Variants in ENPP3 observed in about 807,000 individuals in gnomAD.
The protein encoded by ENPP3 is ectonucleotide pyrophosphatase/phosphodiesterase family member 3.
A neutral mutation model predicts 117.8 loss-of-function variants in ENPP3; 104 were observed. The ratio of observed to expected loss-of-function variants is 0.88; its 90% CI spans 0.75 to 1.04. The LOEUF (loss-of-function observed/expected upper bound fraction) is 1.04, where lower values mean the gene tolerates loss of function less well. ENPP3 is among the 50% of genes least tolerant of loss of function. The pLI, the probability that ENPP3 is intolerant of heterozygous loss-of-function variation, is 0.00. For synonymous variants in ENPP3, 380 were observed against 349.9 expected, an observed-to-expected ratio of 1.09 and a Z score of -0.96; for missense variants, 1,026 against 1,051.9, an observed-to-expected ratio of 0.98 and a Z score of 0.34.
At chr6:131,720,420 G>C in intron 17 of ENPP3, 41 bp downstream of exon 17, 1 of 1,025,424 alleles carries the variant, frequency 9.8e-7, no homozygotes, top group Non-Finnish European at 1.5e-6. Flanking sequence ...AATATGGATA[G>C]TTTTAAATAT....
intron 4 of ENPP3, 42 bp downstream of exon 4, chr6:131,652,709 G>A (rs1778289579): frequency 6.2e-7 from 1 of 1,612,852 alleles, no homozygotes. Context: ...TGCGAGTTTA[G>A]AGGAACTCCA....
At chr6:131,722,537 G>T in intron 18 of ENPP3, 132 bp downstream of exon 18, 1 of 691,046 alleles carries the variant, frequency 1.4e-6, no homozygotes, top group Non-Finnish European at 2.5e-6. Context: ...AATATATGTG[G>T]TTTCTCTGAA....
chr6:131,638,558 A>G (rs962386049), intron 1 of ENPP3: 1 of 401,356 alleles, frequency 2.5e-6, no homozygotes, highest in African/African-American at 2.1e-5. Flanking sequence ...CACATGCCAC[A>G]AGGCTCAGCT....
chr6:131,664,974 T>G (rs1173823271), intron 6 of ENPP3, among the ~76,000 whole-genome samples: 1 of 152,172 alleles, frequency 6.6e-6, no homozygotes, highest in Admixed American at 6.5e-5. Context: ...GTGTTGAATT[T>G]TATCAAATGC....
intron 9 of ENPP3, chr6:131,675,395 T>C: frequency 1.9e-6 from 1 of 527,394 alleles, no homozygotes; most frequent in Non-Finnish European, 3.4e-6. Flanking sequence ...GCCTGAGAAC[T>C]TTTTATTACC....
At chr6:131,726,308 C>A in intron 20 of ENPP3, 108 bp downstream of exon 20, 1 of 955,660 alleles carries the variant, frequency 1.0e-6, no homozygotes, top group South Asian at 1.7e-5. Flanking sequence ...GGAGGGAACT[C>A]ACTGGCCTGT....
At chr6:131,649,983 G>A in intron 2 of ENPP3, 44 bp from the exon 3 acceptor site, 1 of 1,611,214 alleles carries the variant, frequency 6.2e-7, no homozygotes, top group Non-Finnish European at 8.5e-7. Context: ...ATGAGATATT[G>A]AATAGCTCCT....
chr6:131,663,792 C>G (rs1275551793), intron 6 of ENPP3, among the ~76,000 whole-genome samples: 1 of 151,860 alleles, frequency 6.6e-6, no homozygotes, highest in African/African-American at 2.4e-5. Flanking sequence ...CTGGTGAAGA[C>G]AAACCTACTG....
chr6:131,671,658 T>C (rs1355045981), intron 7 of ENPP3, among the ~76,000 whole-genome samples: 1 of 152,236 alleles, frequency 6.6e-6, no homozygotes, highest in Non-Finnish European at 1.5e-5. Context: ...CAGTAGGCTA[T>C]ATATAGGGAC....
At chr6:131,653,000 A>C in intron 5 of ENPP3, 109 bp downstream of exon 5, 1 of 691,260 alleles carries the variant, frequency 1.4e-6, no homozygotes, top group Non-Finnish European at 2.5e-6. Context: ...TGTACATTTC[A>C]AAACAGAATA....
At chr6:131,669,616 A>AC (rs1404617089) in intron 6 of ENPP3, among the ~76,000 whole-genome samples, 1 of 140,102 alleles carries the variant, frequency 7.1e-6, no homozygotes, top group Non-Finnish European at 1.5e-5. Context: ...AGATCACGCC[A>AC]CTGCACTCTA....
intron 15 of ENPP3, chr6:131,709,485 A>G: frequency 1.2e-6 from 2 of 1,612,450 alleles, no homozygotes; most frequent in Non-Finnish European, 1.7e-6. Context: ...CAAATGCTGT[A>G]TTTGAAACAT....
At chr6:131,691,411 A>G (rs1779275682) in intron 14 of ENPP3, among the ~76,000 whole-genome samples, 1 of 151,998 alleles carries the variant, frequency 6.6e-6, no homozygotes, top group African/African-American at 2.4e-5. Context: ...CAACATGGTG[A>G]AATATCTTCT....
chr6:131,677,950 T>G lies in ENPP3; in HGVS notation c.1011+10T>G, dbSNP rs199782499. 137 of 1,578,878 alleles carry G rather than the reference T, an allele frequency of 8.7e-5. No homozygotes were observed. The African/African-American group carries it at 1.7e-3, about 20-fold the overall frequency. The stretch of plus-strand genomic sequence containing the variant: ...ACCAGTCAGTGCCAGAGTAAGTTGT[T>G]GTTTTCTTAAAAGAAAAAAAAAAAT... On this transcript the variant is annotated intron_variant, in intron 11 of 24. Transcript: ENST00000357639.
intron 2 of ENPP3, among the ~76,000 whole-genome samples, chr6:131,644,676 C>T (rs568561292): frequency 3.9e-5 from 6 of 152,216 alleles, no homozygotes; most frequent in East Asian, 1.9e-4. Flanking sequence ...GATGTCCAAG[C>T]GCAGAAGTCA....
chr6:131,663,257 A>G (rs1778541120), intron 6 of ENPP3, among the ~76,000 whole-genome samples: 1 of 151,456 alleles, frequency 6.6e-6, no homozygotes, highest in South Asian at 2.1e-4. Context: ...ATAGGATGTT[A>G]GCTGTAGACT....
At chr6:131,677,833 T>C in intron 10 of ENPP3, 35 bp from the exon 11 acceptor site, 1 of 1,345,850 alleles carries the variant, frequency 7.4e-7, no homozygotes, top group Non-Finnish European at 1.1e-6. Context: ...TTATAGCAAA[T>C]TGATAATATA....
At chr6:131,725,714 A>G (rs925722112) in intron 19 of ENPP3, among the ~76,000 whole-genome samples, 1 of 152,204 alleles carries the variant, frequency 6.6e-6, no homozygotes, top group African/African-American at 2.4e-5. Context: ...CTCTTCATGT[A>G]TATCCTCTGA....
At chr6:131,736,113 G>A (rs1469591647) in intron 21 of ENPP3, among the ~76,000 whole-genome samples, 2 of 152,230 alleles carry the variant, frequency 1.3e-5, no homozygotes, top group African/African-American at 2.4e-5. Flanking sequence ...CACTTTGCCC[G>A]AGGAGTGCAG....
Sources: allele counts gnomAD v4.1 joint callset (sites outside exome capture counted in the v4.1 genomes callset), GRCh38; gene constraint gnomAD v4.1.1; transcripts MANE v1.5; gene names NCBI Gene and HGNC (gene_info 2026-07-23, HGNC 2026-07-21).